Variants in CDIN1 observed in about 807,000 individuals in gnomAD.
CDIN1 encodes CDAN1-interacting nuclease 1.
A neutral mutation model predicts 45.3 loss-of-function variants in CDIN1; 33 were observed. The ratio of observed to expected loss-of-function variants is 0.73; its 90% CI spans 0.55 to 0.97. CDIN1 has a LOEUF of 0.97. Ranked by LOEUF, CDIN1 falls within the 50% of genes least tolerant of loss-of-function variation. CDIN1 has a pLI of 0.00. For synonymous variants in CDIN1, 118 were observed against 124.4 expected, an observed-to-expected ratio of 0.95 and a Z score of 0.34; for missense variants, 303 against 339.4, an observed-to-expected ratio of 0.89 and a Z score of 0.84.
intron 1 of CDIN1, among the ~76,000 whole-genome samples, chr15:36,619,485 A>G (rs1268122362): frequency 1.3e-5 from 2 of 151,630 alleles, no homozygotes; most frequent in Admixed American, 6.6e-5. Context: ...CTATCTATCT[A>G]TCTATCTATC....
chr15:36,635,242 T>G (rs11853845), intron 1 of CDIN1, among the ~76,000 whole-genome samples: 1,895 of 152,318 alleles, frequency 0.012, 45 homozygotes, highest in African/African-American at 0.043. Context: ...CCTAGACTCC[T>G]GGTACTCCCA....
rs1279916558 is a variant in CDIN1, at chr15:36,618,276, T to C, written c.102-26002T>C. On this transcript the variant is annotated intron_variant, in intron 1 of 10. Coordinates refer to ENST00000566621, the MANE Select transcript of CDIN1 (RefSeq NM_001321759.2). ...CAGAGGACTCTGTATCATTGGGGGA[T>C]GGACAATTGAACAGATCTAGTTCAA... is the stretch of plus-strand genomic sequence containing the variant. The C allele has an allele frequency of 1.4e-5, 9 of 664,914 alleles. No homozygotes were observed. In the Admixed American group the frequency reaches 1.4e-4, roughly 10 times the overall value. 41.2% of individuals were successfully genotyped at this position (664,914 alleles called of 1,614,324 possible).
chr15:36,795,223 A>G (rs762076433), intron 10 of CDIN1, among the ~76,000 whole-genome samples: 7 of 152,198 alleles, frequency 4.6e-5, no homozygotes, highest in South Asian at 2.1e-4. Context: ...CTAATGTTCA[A>G]TAGCAGAGTA....
chr15:36,801,651 C>T (rs1021547085), intron 10 of CDIN1, among the ~76,000 whole-genome samples: 6 of 152,298 alleles, frequency 3.9e-5, no homozygotes, highest in African/African-American at 1.4e-4. Context: ...CCTCTTCCCT[C>T]ATGTTTAGAT....
rs1424304743 is a variant in CDIN1 at position 36,703,359 on chromosome 15, A to T, written c.545-5864A>T. Reference sequence around the variant, plus strand: ...GATCTATCAGATATATACATATATCAGATAGATCTATCATATATATATATA... The same window carrying T: ...GATCTATCAGATATATACATATATCTGATAGATCTATCATATATATATATA... On this transcript the variant is annotated intron_variant, in intron 8 of 10. Coordinates refer to ENST00000566621, the MANE Select transcript of CDIN1 (RefSeq NM_001321759.2). 2.2e-4 allele frequency among the ~76,000 whole-genome samples: 21 copies of T among 96,492 alleles called. 1 individual carries two copies. Among genetic ancestry groups the T allele is most frequent in the African/African-American group, 6.7e-4 (14 of 20,882 alleles). The allele number at this position is 96,492 out of a possible 152,430, so 63.3% of individuals were successfully genotyped here. A position where few individuals can be genotyped will look rare whatever the true frequency, so the allele number is the denominator to read the frequency against.
intron 1 of CDIN1, among the ~76,000 whole-genome samples, chr15:36,601,374 C>T (rs1033265924): frequency 6.6e-6 from 1 of 152,198 alleles, no homozygotes; most frequent in Admixed American, 6.5e-5. Context: ...TTGTAGCTTA[C>T]ATGATTCAGA....
intron 1 of CDIN1, among the ~76,000 whole-genome samples, chr15:36,592,278 C>T (rs1472958115): frequency 6.6e-6 from 1 of 152,172 alleles, no homozygotes. Flanking sequence ...CCAGACTCTA[C>T]AAACCGCGAC....
intron 1 of CDIN1, among the ~76,000 whole-genome samples, chr15:36,630,658 G>A (rs2039641239): frequency 6.6e-6 from 1 of 152,162 alleles, no homozygotes; most frequent in Admixed American, 6.5e-5. Flanking sequence ...CGGAGGCTGG[G>A]TATGTTATAA....
intron 10 of CDIN1, among the ~76,000 whole-genome samples, chr15:36,785,547 C>G (rs1352046216): frequency 6.6e-6 from 1 of 152,170 alleles, no homozygotes; most frequent in Non-Finnish European, 1.5e-5. Context: ...TACACACATT[C>G]ACATACACAC....
chr15:36,604,620 G>T (rs933050847), intron 1 of CDIN1, among the ~76,000 whole-genome samples: 4 of 151,964 alleles, frequency 2.6e-5, no homozygotes, highest in African/African-American at 9.7e-5. Context: ...CATATAGTTA[G>T]TACACTCAGA....
chr15:36,583,839 A>T (rs1438778950), intron 1 of CDIN1, among the ~76,000 whole-genome samples: 1 of 152,082 alleles, frequency 6.6e-6, no homozygotes, highest in Non-Finnish European at 1.5e-5. Flanking sequence ...ACACAGTGAA[A>T]CCCCGTCTCT....
chr15:36,710,440 A>T (rs1398285494), intron 10 of CDIN1, among the ~76,000 whole-genome samples: 1 of 152,184 alleles, frequency 6.6e-6, no homozygotes, highest in African/African-American at 2.4e-5. Context: ...TCCCAAAGAC[A>T]TGGAAATCTC....
chr15:36,717,402 T>C (rs1321928231), intron 10 of CDIN1, among the ~76,000 whole-genome samples: 1 of 152,178 alleles, frequency 6.6e-6, no homozygotes, highest in Admixed American at 6.6e-5. Flanking sequence ...TCTACTATTT[T>C]ATGTAAATAG....
At chr15:36,622,980 C>T (rs1396222602) in intron 1 of CDIN1, among the ~76,000 whole-genome samples, 2 of 152,216 alleles carry the variant, frequency 1.3e-5, no homozygotes, top group African/African-American at 2.4e-5. Flanking sequence ...ATGGAGCTGC[C>T]AATGTGCAGG....
At chr15:36,793,802 C>G (rs1480646115) in intron 10 of CDIN1, among the ~76,000 whole-genome samples, 1 of 152,174 alleles carries the variant, frequency 6.6e-6, no homozygotes, top group East Asian at 1.9e-4. Flanking sequence ...CACTGGGCTT[C>G]CTAAAACCCC....
chr15:36,778,859 C>T (rs2054283166), intron 10 of CDIN1, among the ~76,000 whole-genome samples: 1 of 152,094 alleles, frequency 6.6e-6, no homozygotes, highest in Non-Finnish European at 1.5e-5. Flanking sequence ...TTTAAGATTC[C>T]TTTTCTGCAT....
chr15:36,632,006 G>A (rs1191638580), intron 1 of CDIN1, among the ~76,000 whole-genome samples: 1 of 151,810 alleles, frequency 6.6e-6, no homozygotes, highest in Non-Finnish European at 1.5e-5. Context: ...AGCTTTTTAA[G>A]GAATTTTTTG....
At chr15:36,599,702 G>A (rs1666515451) in intron 1 of CDIN1, among the ~76,000 whole-genome samples, 1 of 152,132 alleles carries the variant, frequency 6.6e-6, no homozygotes, top group South Asian at 2.1e-4. Context: ...ATATTTGTGG[G>A]TTGGGGCAGG....
intron 1 of CDIN1, among the ~76,000 whole-genome samples, chr15:36,642,934 G>C (rs2040168707): frequency 6.6e-6 from 1 of 151,998 alleles, no homozygotes. Flanking sequence ...GCTTCATTTT[G>C]CCTCCCTCCC....
Sources: gnomAD v4.1 joint callset for allele counts (sites outside exome capture counted in the v4.1 genomes callset) on GRCh38, gnomAD v4.1.1 for gene constraint, MANE v1.5 for transcripts, NCBI Gene and HGNC (gene_info 2026-07-23, HGNC 2026-07-21) for gene names.